APLP1: variants seen among roughly 807,000 people sequenced by gnomAD.
The protein encoded by APLP1 is amyloid beta (A4) precursor-like protein 1.
In APLP1, 46 loss-of-function variants were observed where a neutral mutation model predicts 84.5. That is an observed-to-expected ratio of 0.54 (90% CI 0.43 to 0.70). The LOEUF is 0.70. APLP1 is among the 30% of genes least tolerant of loss of function. APLP1 has a pLI of 0.00. For synonymous variants in APLP1, 376 were observed against 364.0 expected, an observed-to-expected ratio of 1.03 and a Z score of -0.38; for missense variants, 826 against 900.2, an observed-to-expected ratio of 0.92 and a Z score of 1.05.
chr19:35,874,600 A>C lies in APLP1; in HGVS notation c.1153A>C (p.Asn385His). Residue 385 changes from asparagine (N) to histidine (H), a missense_variant, in exon 9 of 17, where the codon AAC becomes CAC. Coordinates refer to ENST00000221891, the MANE Select transcript of APLP1 (RefSeq NM_001024807.3). The surrounding 1 kb of genome is among the most constrained non-coding windows in gnomAD (Gnocchi z 6.4). Reference sequence around the variant, plus strand: ...CGCCACCCGCGTCATCGCCCTTATCAACGACCAGCGCCGGGCTGCCTTGGA... The same window carrying C: ...CGCCACCCGCGTCATCGCCCTTATCCACGACCAGCGCCGGGCTGCCTTGGA... ...THATRVIALI[N>H]DQRRAALEGF... The C allele has an allele frequency of 1.2e-6, 2 of 1,614,056 alleles. No homozygotes were observed. Among genetic ancestry groups the C allele is most frequent in the Non-Finnish European group, 1.7e-6 (2 of 1,180,024 alleles).
intron 7 of APLP1, among the ~76,000 whole-genome samples, chr19:35,873,428 CA>C (rs1974206837): frequency 6.6e-6 from 1 of 150,980 alleles, no homozygotes; most frequent in Non-Finnish European, 1.5e-5. Context: ...TTTCTGTTTT[CA>C]GTAGAGACAG....
chr19:35,875,279 AGCCTCTCGAGTAGCTGG>A (rs1158914557), intron 10 of APLP1, among the ~76,000 whole-genome samples: 2 of 148,412 alleles, frequency 1.3e-5, no homozygotes, highest in Non-Finnish European at 1.5e-5. Flanking sequence ...CTCCTGCCTC[AGCCTCTCGAGTAGCTGG>A]GATTACAGGA....
rs369624946 is a variant in APLP1 at position 35,874,501 on chromosome 19, C to T, written c.1057-3C>T. The T allele has an allele frequency of 3.3e-4, 530 of 1,613,896 alleles. No individual in the cohort carries two copies. Among genetic ancestry groups the T allele is most frequent in the Non-Finnish European group, 4.3e-4 (508 of 1,179,930 alleles). ...CCTGACCCTGTGCCCACCCGCTCCC[C>T]AGCACTTCCAGTCCATTCTGCAGAC... On this transcript the variant is annotated splice_polypyrimidine_tract_variant and splice_region_variant and intron_variant, in intron 8 of 16. Transcript: ENST00000221891. The surrounding 1 kb of genome is among the most constrained non-coding windows in gnomAD (Gnocchi z 6.4).
rs1181927568 is a variant in APLP1 at position 35,868,795 on chromosome 19, C to A, written c.147+12C>A. 2.3e-6 allele frequency: 3 copies of A among 1,296,908 alleles called. No homozygotes were observed. The highest frequency in any genetic ancestry group is 2.9e-6 in the Non-Finnish European group (3 of 1,024,014). The allele number at this position is 1,296,908 out of a possible 1,614,324, so 80.3% of individuals were successfully genotyped here. A position where few individuals can be genotyped will look rare whatever the true frequency, so the allele number is the denominator to read the frequency against. ...CCGGCGCGGCCGAGGTGAGGCCGGGCCGGGTCCTGGGGGATGGGGGAAGGG... is the reference window on the plus strand; with the variant it reads ...CCGGCGCGGCCGAGGTGAGGCCGGGACGGGTCCTGGGGGATGGGGGAAGGG... On this transcript the variant is annotated intron_variant, in intron 1 of 16. Transcript: ENST00000221891. The surrounding 1 kb of genome is among the most constrained non-coding windows in gnomAD (Gnocchi z 5.2).
chr19:35,872,434 C>T lies in APLP1; in HGVS notation c.851-49C>T, dbSNP rs553868447. 1.5e-5 allele frequency: 23 copies of T among 1,584,672 alleles called. No individual in the cohort carries two copies. In the South Asian group the frequency reaches 2.0e-4, roughly 13 times the overall value. On this transcript the variant is annotated intron_variant, in intron 6 of 16. Transcript: ENST00000221891. Reference sequence around the variant, plus strand: ...AATGTGGTTCTCTAGGTAGAAAAGGCGACCTGGAGGTGGGCTGCAGACTGA... The same window carrying T: ...AATGTGGTTCTCTAGGTAGAAAAGGTGACCTGGAGGTGGGCTGCAGACTGA...
intron 4 of APLP1, 46 bp downstream of exon 4, chr19:35,871,395 C>G: frequency 1.3e-6 from 2 of 1,525,150 alleles, no homozygotes; most frequent in South Asian, 2.3e-5. Flanking sequence ...AACCCAGGAA[C>G]TGGGACCTCT....
In APLP1 at chr19:35,873,644, G is replaced by A. The variant is rs1422734103; in HGVS notation, c.987G>A (p.Met329Ile). 6.2e-7 allele frequency: 1 copy of A among 1,614,000 alleles called. No individual in the cohort carries two copies. Among genetic ancestry groups the A allele is most frequent in the Non-Finnish European group, 8.5e-7 (1 of 1,180,012 alleles). Reference sequence around the variant, plus strand: ...AAGCTCCCCTCCCTATGCAGGTGATGCGTGAATGGGCCATGGCAGACAACC... The same window carrying A: ...AAGCTCCCCTCCCTATGCAGGTGATACGTGAATGGGCCATGGCAGACAACC... Reference protein sequence around the residue: ...ERRMRQINEVMREWAMADNQS... With the variant: ...ERRMRQINEVIREWAMADNQS... The change falls in exon 8 of 17, where the codon ATG becomes ATA. Residue 329 changes from methionine to isoleucine, a missense_variant. This residue lies in a region of APLP1 where 433 missense variants were observed against 496.5 expected (regional missense o/e 0.87). Coordinates refer to ENST00000221891, the MANE Select transcript of APLP1 (RefSeq NM_001024807.3).
chr19:35,879,459 C>G lies in APLP1; in HGVS notation c.*18C>G, dbSNP rs776354669. On this transcript the variant is annotated 3_prime_UTR_variant, in exon 17 of 17. Transcript: ENST00000221891. ...GACCCTGACCCGGCCCCCTTCACCC[C>G]TTCAGCCGAGCCCAGACCTCCCCTC... 1 of 1,610,480 alleles carries G rather than the reference C, an allele frequency of 6.2e-7. No individual in the cohort carries two copies. The highest frequency in any genetic ancestry group is 2.2e-5 in the East Asian group (1 of 44,870).
At chr19:35,871,161 A>G (rs1339440583) in intron 3 of APLP1, 76 bp from the exon 4 acceptor site, 2 of 1,546,510 alleles carry the variant, frequency 1.3e-6, no homozygotes, top group Admixed American at 3.8e-5. Context: ...CTCTGAGGAT[A>G]AAATATCTGG....
In APLP1 at chr19:35,871,282, G is replaced by C; in HGVS notation, c.470G>C (p.Arg157Pro). The C allele has an allele frequency of 1.2e-6, 2 of 1,613,666 alleles. No homozygotes were observed. The highest frequency in any genetic ancestry group is 2.2e-5 in the South Asian group (2 of 90,948). ...SEALLVPEGC[R>P]FLHQERMDQC... ...GCCCTGCTGGTGCCTGAAGGCTGCCGGTTCTTGCACCAGGAGCGCATGGAC... is the reference window on the plus strand; with the variant it reads ...GCCCTGCTGGTGCCTGAAGGCTGCCCGTTCTTGCACCAGGAGCGCATGGAC... The change falls in exon 4 of 17, where the codon CGG becomes CCG. Residue 157 changes from arginine to proline, a missense_variant. Physicochemically the swap from Arg to Pro is moderately radical, Grantham distance 103. This residue lies in a region of APLP1 where 383 missense variants were observed against 378.3 expected (regional missense o/e 1.01). Transcript: ENST00000221891.
chr19:35,878,185 T>C (rs764802560), intron 13 of APLP1, 77 bp downstream of exon 13: 28 of 1,487,162 alleles, frequency 1.9e-5, no homozygotes, highest in Middle Eastern at 1.8e-4. Flanking sequence ...GGTCCATCCA[T>C]TGGGAACCTC....
At chr19:35,875,911 G>A (rs1974272540) in intron 10 of APLP1, among the ~76,000 whole-genome samples, 1 of 150,556 alleles carries the variant, frequency 6.6e-6, no homozygotes, top group Non-Finnish European at 1.5e-5. Context: ...GAGCCACCAT[G>A]CCCGGCCAGA....
In APLP1 at chr19:35,879,472, C is replaced by T; in HGVS notation, c.*31C>T. On this transcript the variant is annotated 3_prime_UTR_variant, in exon 17 of 17. Transcript: ENST00000221891. ...CCCCCTTCACCCCTTCAGCCGAGCC[C>T]AGACCTCCCCTCTTCCTGGAGCCCC... 1 of 1,595,772 alleles carries T rather than the reference C, an allele frequency of 6.3e-7. No homozygotes were observed. Among genetic ancestry groups the T allele is most frequent in the Non-Finnish European group, 8.6e-7 (1 of 1,165,710 alleles).
intron 3 of APLP1, 73 bp from the exon 4 acceptor site, chr19:35,871,164 A>T: frequency 6.5e-7 from 1 of 1,549,656 alleles, no homozygotes; most frequent in Non-Finnish European, 8.8e-7. Flanking sequence ...TGAGGATAAA[A>T]TATCTGGATT....
At chr19:35,871,446 G>A in intron 4 of APLP1, 97 bp downstream of exon 4, 1 of 1,356,488 alleles carries the variant, frequency 7.4e-7, no homozygotes. Flanking sequence ...TGGGCCACCA[G>A]CATCCTCTTC....
At position 35,874,752 on chromosome 19, in the gene APLP1, C is replaced by T. The variant is rs1413907954; in HGVS notation, c.1227C>T (p.Val409=). 9 of 1,613,262 alleles carry T rather than the reference C, an allele frequency of 5.6e-6. No individual in the cohort carries two copies. The highest frequency in any genetic ancestry group is 1.7e-5 in the Admixed American group (1 of 59,990). Residue 409 remains valine, a synonymous_variant, in exon 10 of 17, where the codon GTC becomes GTT. Coordinates refer to ENST00000221891, the MANE Select transcript of APLP1 (RefSeq NM_001024807.3). The surrounding 1 kb of genome is among the most constrained non-coding windows in gnomAD (Gnocchi z 6.4). ...LQADPPQAER[V]LLALRRYLRA... ...TGTCCCTTCCACAGGCGGAGCGTGT[C>T]CTGTTGGCCCTGCGGCGCTACCTGC...
At position 35,873,745 on chromosome 19, in the gene APLP1, CT is replaced by C. The variant is rs774097004; in HGVS notation, c.1056+33del. On this transcript the variant is annotated intron_variant, in intron 8 of 16. Coordinates refer to ENST00000221891, the MANE Select transcript of APLP1 (RefSeq NM_001024807.3). ...CAGCCCCAGTGGGTCCTACTCATGC[CT>C]GTCCACCACCTGGAGCACACTCAGT... The C allele has an allele frequency of 2.4e-5, 39 of 1,597,834 alleles. No homozygotes were observed. The African/African-American group carries it at 3.9e-4, about 16-fold the overall frequency.
At chr19:35,878,723 G>C in intron 14 of APLP1, 69 bp downstream of exon 14, 1 of 1,581,148 alleles carries the variant, frequency 6.3e-7, no homozygotes, top group Non-Finnish European at 8.7e-7. Flanking sequence ...GGGTACGAGG[G>C]AGGAGATGCT....
At chr19:35,873,586 G>T (rs570859486) in intron 7 of APLP1, 53 bp from the exon 8 acceptor site, 82 of 1,584,982 alleles carry the variant, frequency 5.2e-5, no homozygotes, top group Non-Finnish European at 6.4e-5. Context: ...TGGGGGACTT[G>T]CCAGGTGGAT....
Sources: gnomAD v4.1 joint callset for allele counts (sites outside exome capture counted in the v4.1 genomes callset) on GRCh38, gnomAD v4.1.1 for gene constraint, gnomAD v4.1.1 regional missense constraint, Gnocchi (gnomAD v3.1) non-coding constraint, MANE v1.5 for transcripts, NCBI Gene and HGNC (gene_info 2026-07-23, HGNC 2026-07-21) for gene names.